ANXA4: variants seen among roughly 807,000 people sequenced by gnomAD.
ANXA4 encodes 35-beta calcimedin.
Under a neutral mutation model 49.8 loss-of-function variants are expected in ANXA4, and 39 were observed. The ratio of observed to expected loss-of-function variants is 0.78; its 90% confidence interval spans 0.61 to 1.02. The LOEUF is 1.02. ANXA4 is among the 50% of genes least tolerant of loss of function. The pLI is 0.00. For missense variants in ANXA4, 360 were observed against 410.1 expected (o/e 0.88, Z 1.05); for synonymous variants, 134 against 152.5 (o/e 0.88, Z 0.89).
intron 1 of ANXA4, among the ~76,000 whole-genome samples, chr2:69,762,718 G>C (rs1041509428): frequency 6.6e-6 from 1 of 152,164 alleles, no homozygotes; most frequent in African/African-American, 2.4e-5. Context: ...CTCTCGGCCT[G>C]CTTTGGATGA....
intron 1 of ANXA4, among the ~76,000 whole-genome samples, chr2:69,746,563 G>A (rs765167504): frequency 1.3e-5 from 2 of 152,164 alleles, no homozygotes; most frequent in Non-Finnish European, 2.9e-5. Context: ...TAATTTATTA[G>A]TGTTTGGTTT....
intron 3 of ANXA4, among the ~76,000 whole-genome samples, chr2:69,731,409 T>A (rs1217246059): frequency 6.6e-6 from 1 of 152,222 alleles, no homozygotes; most frequent in Non-Finnish European, 1.5e-5. Context: ...ATGAAAGAGC[T>A]GAGTGATGAT....
chr2:69,683,582 TTCCTCC>T (rs1018553612), intron 2 of ANXA4, among the ~76,000 whole-genome samples: 1 of 152,080 alleles, frequency 6.6e-6, no homozygotes, highest in African/African-American at 2.4e-5. Context: ...TGTCTTCTTC[TTCCTCC>T]TCCTCCTCCT....
At chr2:69,673,065 TG>T (rs1291379274) in intron 2 of ANXA4, among the ~76,000 whole-genome samples, 2 of 152,150 alleles carry the variant, frequency 1.3e-5, no homozygotes, top group Non-Finnish European at 2.9e-5. Flanking sequence ...ACACTGTTGG[TG>T]GGAGCATAAA....
chr2:69,805,337 C>T (rs558476885), intron 4 of ANXA4, among the ~76,000 whole-genome samples: 25 of 151,848 alleles, frequency 1.6e-4, no homozygotes, highest in African/African-American at 6.0e-4. Context: ...GGTGTGGTGG[C>T]TCACACCTGT....
intron 1 of ANXA4, among the ~76,000 whole-genome samples, chr2:69,749,173 C>G (rs1228561303): frequency 1.9e-4 from 29 of 152,290 alleles, no homozygotes; most frequent in Admixed American, 1.9e-3. Flanking sequence ...TGACAAAAGT[C>G]CATCCAGGTG....
Position 69,649,609 on chromosome 2 carries a change from T to TTC in ANXA4, n.482-3388_482-3387insCT, listed in dbSNP as rs1676150544. 4.4e-5 allele frequency among the ~76,000 whole-genome samples: 6 copies of TTC among 135,642 alleles called. No individual in the cohort carries two copies. The South Asian group carries it at 1.5e-3, about 34-fold the overall frequency. The allele number at this position is 135,642 out of a possible 152,430, so 89.0% of individuals were successfully genotyped here. A position where few individuals can be genotyped will look rare whatever the true frequency, so the allele number is the denominator to read the frequency against. ...TGCTTCTTTGATTTTCTTTCTTTTT[T>TTC]TTTTTTTTTTTTTTTTTTTTAAGAC... On this transcript the variant is annotated intron_variant and non_coding_transcript_variant, in intron 1 of 3. Coordinates refer to the ANXA4 transcript ENST00000418066.
intron 2 of ANXA4, among the ~76,000 whole-genome samples, chr2:69,783,358 G>T (rs955544139): frequency 8.5e-5 from 13 of 152,102 alleles, no homozygotes; most frequent in Admixed American, 8.5e-4. Context: ...TGGGATTACA[G>T]GCGCTCGCCA....
At chr2:69,784,392 G>C (rs1672328663) in intron 2 of ANXA4, among the ~76,000 whole-genome samples, 2 of 152,174 alleles carry the variant, frequency 1.3e-5, no homozygotes, top group Admixed American at 1.3e-4. Flanking sequence ...CTTAAAAGTT[G>C]AATGCAGTGT....
intron 2 of ANXA4, among the ~76,000 whole-genome samples, chr2:69,715,198 T>TTTTTA (rs886671748): frequency 1.3e-5 from 2 of 152,124 alleles, no homozygotes; most frequent in Non-Finnish European, 2.9e-5. Context: ...CATGGTTTGT[T>TTTTTA]TTTTATTTTA....
intron 9 of ANXA4, chr2:69,818,323 C>CTTTT (rs1338689243): frequency 6.7e-5 from 15 of 222,872 alleles, no homozygotes; most frequent in African/African-American, 3.4e-4. Context: ...GCAAAGCTCC[C>CTTTT]CAGAGGCCAT....
intron 1 of ANXA4, 176 bp from the exon 2 acceptor site, chr2:69,781,344 C>T (rs906289088): frequency 1.7e-6 from 1 of 599,314 alleles, no homozygotes; most frequent in African/African-American, 1.9e-5. Context: ...CTTTTTTTAA[C>T]AGTTTCTCTA....
At chr2:69,668,686 C>T (rs957691508) in intron 2 of ANXA4, among the ~76,000 whole-genome samples, 1 of 152,022 alleles carries the variant, frequency 6.6e-6, no homozygotes, top group Non-Finnish European at 1.5e-5. Context: ...TAAAACTCAC[C>T]TTCTGCATGT....
At chr2:69,802,430 G>A (rs1465174296) in intron 3 of ANXA4, among the ~76,000 whole-genome samples, 2 of 152,096 alleles carry the variant, frequency 1.3e-5, no homozygotes, top group African/African-American at 4.8e-5. Context: ...CAAAGCTATT[G>A]GGCTGGGTGC....
chr2:69,758,849 TAGGCCAGGCAC>T (rs1449989695), intron 1 of ANXA4, among the ~76,000 whole-genome samples: 1 of 151,732 alleles, frequency 6.6e-6, no homozygotes, highest in Non-Finnish European at 1.5e-5. Flanking sequence ...GTAAAGATTA[TAGGCCAGGCAC>T]AGTGGCTCAT....
intron 3 of ANXA4, among the ~76,000 whole-genome samples, chr2:69,791,358 T>G (rs1484979348): frequency 2.0e-5 from 3 of 152,230 alleles, no homozygotes; most frequent in Non-Finnish European, 4.4e-5. Context: ...AACAACCAGT[T>G]TTTCCAATTG....
intron 4 of ANXA4, among the ~76,000 whole-genome samples, chr2:69,805,184 C>T (rs13015957): frequency 0.23 from 35,015 of 151,668 alleles, 4,431 homozygotes; most frequent in East Asian, 0.39. Flanking sequence ...GGTCCATTTT[C>T]CAAATAATTA....
intron 1 of ANXA4, among the ~76,000 whole-genome samples, chr2:69,652,516 A>T (rs1676289729): frequency 6.6e-6 from 1 of 152,272 alleles, no homozygotes; most frequent in East Asian, 1.9e-4. Flanking sequence ...AGAACTTAAG[A>T]CTTTTCATTT....
chr2:69,725,185 A>G (rs1260674756), intron 3 of ANXA4, among the ~76,000 whole-genome samples: 1 of 152,142 alleles, frequency 6.6e-6, no homozygotes, highest in Non-Finnish European at 1.5e-5. Flanking sequence ...AGTTTAATAA[A>G]TTCTGACTCA....
Sources: gnomAD v4.1 joint callset for allele counts (sites outside exome capture counted in the v4.1 genomes callset) on GRCh38, gnomAD v4.1.1 for gene constraint, MANE v1.5 for transcripts, NCBI Gene and HGNC (gene_info 2026-07-23, HGNC 2026-07-21) for gene names.